NRG3: variants seen among roughly 807,000 people sequenced by gnomAD.
NRG3 encodes the protein neuregulin 3, also known as pro-neuregulin-3, membrane-bound isoform.
Under a neutral mutation model 66.9 loss-of-function variants are expected in NRG3, and 31 were observed. The ratio of observed to expected loss-of-function variants is 0.46; its 90% CI spans 0.35 to 0.63. The LOEUF (loss-of-function observed/expected upper bound fraction) is 0.63, where lower values mean the gene tolerates loss of function less well. Among genes scored for constraint, NRG3 ranks in the 20% least tolerant of loss-of-function variants. The probability of loss-of-function intolerance (pLI) is 0.00; values close to 1 mark genes in which losing one functional copy is unlikely to be tolerated. For missense variants in NRG3, 910 were observed against 878.9 expected, an observed-to-expected ratio of 1.04 and a Z score of -0.45; for synonymous variants, 393 against 359.4, an observed-to-expected ratio of 1.09 and a Z score of -1.06.
chr10:82,148,042 T>C (rs1349599913), intron 1 of NRG3, among the ~76,000 whole-genome samples: 2 of 152,346 alleles, frequency 1.3e-5, no homozygotes, highest in East Asian at 1.9e-4. Flanking sequence ...GTGTTCATTT[T>C]TATTCATTTC....
At chr10:82,725,009 A>C (rs545341560) in intron 2 of NRG3, among the ~76,000 whole-genome samples, 3 of 152,178 alleles carry the variant, frequency 2.0e-5, no homozygotes, top group African/African-American at 7.2e-5. Flanking sequence ...AGAGCTTTCC[A>C]AAAAGGACAT....
At chr10:82,145,745 A>G (rs1448586683) in intron 1 of NRG3, among the ~76,000 whole-genome samples, 1 of 152,220 alleles carries the variant, frequency 6.6e-6, no homozygotes, top group Non-Finnish European at 1.5e-5. Flanking sequence ...TTGGATAGTA[A>G]GTATTGTGTG....
At chr10:81,975,077 C>T (rs537615392) in intron 1 of NRG3, among the ~76,000 whole-genome samples, 1 of 150,190 alleles carries the variant, frequency 6.7e-6, no homozygotes, top group Non-Finnish European at 1.5e-5. Flanking sequence ...GCTCTACACA[C>T]AGCAATGAAG....
chr10:82,320,663 G>A (rs957581841), intron 1 of NRG3, among the ~76,000 whole-genome samples: 1 of 152,174 alleles, frequency 6.6e-6, no homozygotes, highest in Non-Finnish European at 1.5e-5. Context: ...AAACAGGGTA[G>A]CAGGTCTGGG....
intron 1 of NRG3, chr10:82,166,901 T>C (rs1296420329): frequency 1.1e-5 from 6 of 552,808 alleles, no homozygotes; most frequent in Non-Finnish European, 2.0e-5. Context: ...TTTTATTCCC[T>C]CCTTGGTATT....
At chr10:82,479,501 G>GAA (rs35318145) in intron 2 of NRG3, among the ~76,000 whole-genome samples, 218 of 136,898 alleles carry the variant, frequency 1.6e-3, no homozygotes, top group African/African-American at 5.5e-3. Context: ...GAGTTGGAGG[G>GAA]AAAAAAAAAA....
intron 2 of NRG3, among the ~76,000 whole-genome samples, chr10:82,729,028 G>C (rs2057759172): frequency 6.6e-6 from 1 of 152,034 alleles, no homozygotes; most frequent in Admixed American, 6.6e-5. Flanking sequence ...CACAGAGCAT[G>C]TACTAAATCA....
intron 1 of NRG3, among the ~76,000 whole-genome samples, chr10:81,968,722 G>A (rs771678866): frequency 1.2e-4 from 18 of 152,140 alleles, no homozygotes; most frequent in African/African-American, 1.4e-4. Context: ...GGCCACAGAC[G>A]TCATAGAAGA....
intron 1 of NRG3, among the ~76,000 whole-genome samples, chr10:82,115,121 A>G (rs534400086): frequency 3.0e-4 from 45 of 152,218 alleles, no homozygotes; most frequent in African/African-American, 9.4e-4. Context: ...GTGGAGACTT[A>G]GAGTACCCCT....
In NRG3 at chr10:82,800,622, A is replaced by G. The variant is rs185121477; in HGVS notation, c.1027+61972A>G. On this transcript the variant is annotated intron_variant, in intron 3 of 8. Coordinates refer to ENST00000372141, the MANE Select transcript of NRG3 (RefSeq NM_001010848.4). Reference sequence around the variant, plus strand: ...CATTTGGCTGTTGATGATGACAAAAATGATGAAAGTGGCATACATAGTATT... The same window carrying G: ...CATTTGGCTGTTGATGATGACAAAAGTGATGAAAGTGGCATACATAGTATT... 1.2e-4 allele frequency among the ~76,000 whole-genome samples: 18 copies of G among 152,334 alleles called. 1 individual carries two copies. The highest frequency in any genetic ancestry group is 4.1e-4 in the African/African-American group (17 of 41,584).
intron 4 of NRG3, among the ~76,000 whole-genome samples, chr10:82,938,351 A>AG (rs1848272263): frequency 6.6e-6 from 1 of 152,100 alleles, no homozygotes; most frequent in Non-Finnish European, 1.5e-5. Flanking sequence ...GTATTTGAGA[A>AG]GCTCCCGAGG....
intron 2 of NRG3, among the ~76,000 whole-genome samples, chr10:82,384,180 TC>T (rs1197168535): frequency 6.6e-6 from 1 of 152,178 alleles, no homozygotes; most frequent in Non-Finnish European, 1.5e-5. Flanking sequence ...CTGATTTTTT[TC>T]TCCATTTGAA....
intron 3 of NRG3, among the ~76,000 whole-genome samples, chr10:82,776,409 C>T (rs750532787): frequency 1.4e-4 from 21 of 152,120 alleles, no homozygotes; most frequent in Non-Finnish European, 3.1e-4. Context: ...AGTGAGCACC[C>T]CTTTGGTAGA....
chr10:82,025,151 A>C (rs1278985424), intron 1 of NRG3, among the ~76,000 whole-genome samples: 1 of 151,790 alleles, frequency 6.6e-6, no homozygotes, highest in East Asian at 1.9e-4. Context: ...TTATTTTTTA[A>C]ATTAATATTG....
intron 2 of NRG3, among the ~76,000 whole-genome samples, chr10:82,611,660 G>T (rs1323964593): frequency 6.6e-6 from 1 of 152,138 alleles, no homozygotes; most frequent in South Asian, 2.1e-4. Context: ...TCTTAATCCA[G>T]TCTATCATTG....
chr10:82,261,556 A>G (rs1290834122), intron 1 of NRG3, among the ~76,000 whole-genome samples: 1 of 152,180 alleles, frequency 6.6e-6, no homozygotes, highest in Non-Finnish European at 1.5e-5. Flanking sequence ...GGATCAGGGG[A>G]CTGACAGCCT....
intron 1 of NRG3, among the ~76,000 whole-genome samples, chr10:82,061,292 G>A (rs776690425): frequency 6.6e-6 from 1 of 152,062 alleles, no homozygotes; most frequent in Non-Finnish European, 1.5e-5. Flanking sequence ...CGGAGGTTGC[G>A]GTGAGCCAAG....
intron 4 of NRG3, among the ~76,000 whole-genome samples, chr10:82,937,244 C>T (rs1204567832): frequency 6.6e-6 from 1 of 152,112 alleles, no homozygotes; most frequent in Non-Finnish European, 1.5e-5. Flanking sequence ...ATTTTATTAA[C>T]ACTGGAAGTG....
At chr10:81,916,127 G>C (rs1387551582) in intron 1 of NRG3, among the ~76,000 whole-genome samples, 2 of 151,774 alleles carry the variant, frequency 1.3e-5, no homozygotes, top group East Asian at 3.9e-4. Flanking sequence ...TTTTTACTTA[G>C]AGCATGTCTC....
Sources: gnomAD v4.1 joint callset for allele counts (sites outside exome capture counted in the v4.1 genomes callset) on GRCh38, gnomAD v4.1.1 for gene constraint, MANE v1.5 for transcripts, NCBI Gene and HGNC (gene_info 2026-07-23, HGNC 2026-07-21) for gene names.